The following SLC8A1 variants were observed in gnomAD, a reference collection of about 807,000 sequenced individuals.
SLC8A1 encodes the protein sodium/calcium exchanger 1.
SLC8A1 carries 18 observed loss-of-function variants against 68.3 expected under a neutral mutation model. The observed-to-expected ratio is 0.26, with a 90% CI of 0.18 to 0.39. SLC8A1 has a LOEUF of 0.39. Ranked by LOEUF, SLC8A1 falls within the 10% of genes least tolerant of loss-of-function variation. The probability of loss-of-function intolerance (pLI) is 1.00; values close to 1 mark genes in which losing one functional copy is unlikely to be tolerated. For missense variants in SLC8A1, 985 were observed against 1,156.7 expected, an observed-to-expected ratio of 0.85 and a Z score of 2.15; for synonymous variants, 475 against 415.5, an observed-to-expected ratio of 1.14 and a Z score of -1.74.
chr2:40,252,109 C>G (rs751526631), intron 2 of SLC8A1, among the ~76,000 whole-genome samples: 2 of 152,124 alleles, frequency 1.3e-5, no homozygotes, highest in African/African-American at 4.8e-5. Context: ...TATTTTCCCT[C>G]TTTTAATTTT....
chr2:40,504,559 A>G (rs1706249399), intron 1 of SLC8A1, among the ~76,000 whole-genome samples: 1 of 152,094 alleles, frequency 6.6e-6, no homozygotes, highest in South Asian at 2.1e-4. Context: ...CAAATTACCC[A>G]TCTGACAAGG....
intron 2 of SLC8A1, among the ~76,000 whole-genome samples, chr2:40,258,689 A>C (rs1169966860): frequency 6.6e-6 from 1 of 152,072 alleles, no homozygotes; most frequent in African/African-American, 2.4e-5. Flanking sequence ...TAAAAATACA[A>C]AAATTAGCCA....
At chr2:40,442,668 A>T (rs1210209875) in intron 1 of SLC8A1, among the ~76,000 whole-genome samples, 1 of 152,214 alleles carries the variant, frequency 6.6e-6, no homozygotes, top group Admixed American at 6.5e-5. Context: ...ATTATAAATT[A>T]GTTCAACCAT....
Position 40,439,387 on chromosome 2 carries a change from T to C in SLC8A1, c.-24-9083A>G, listed in dbSNP as rs576284815. Among the ~76,000 whole-genome samples, 14 of 151,976 alleles carry C rather than the reference T, an allele frequency of 9.2e-5. No homozygotes were observed. The South Asian group carries it at 2.9e-3, about 32-fold the overall frequency. ...ATGAACCCCAAAATGAAGTACTGGG[T>C]GGTAAGGAAAGCTGTGCTCTTCAAA... On this transcript the variant is annotated intron_variant, in intron 1 of 7. Coordinates refer to ENST00000406785, the Ensembl canonical transcript of SLC8A1.
At chr2:40,328,048 C>G (rs1431744921) in intron 2 of SLC8A1, among the ~76,000 whole-genome samples, 1 of 151,576 alleles carries the variant, frequency 6.6e-6, no homozygotes, top group Non-Finnish European at 1.5e-5. Flanking sequence ...ACAATACCAA[C>G]CACAGGAATT....
chr2:40,298,425 T>A (rs776115058), intron 2 of SLC8A1, among the ~76,000 whole-genome samples: 8 of 152,162 alleles, frequency 5.3e-5, no homozygotes, highest in Non-Finnish European at 1.0e-4. Flanking sequence ...ATGTAATGGG[T>A]TTTATGAAGA....
At chr2:40,180,807 C>A (rs530290154) in intron 2 of SLC8A1, among the ~76,000 whole-genome samples, 1 of 152,232 alleles carries the variant, frequency 6.6e-6, no homozygotes, top group South Asian at 2.1e-4. Flanking sequence ...GTAGAAGTAG[C>A]CTTGCTAATA....
In SLC8A1 at chr2:40,156,794, A is replaced by G. The variant is rs1031031008; in HGVS notation, c.2161+3971T>C. Among the ~76,000 whole-genome samples, 3 of 152,104 alleles carry G rather than the reference A, an allele frequency of 2.0e-5. No individual in the cohort carries two copies. The East Asian group carries it at 5.8e-4, about 29-fold the overall frequency. ...TGTATCTTTGTCTTTGTATGTGTGT[A>G]TGCCTCTGTGTACGTGCATACCTGA... On this transcript the variant is annotated intron_variant, in intron 6 of 7. Coordinates refer to ENST00000406785, the Ensembl canonical transcript of SLC8A1.
At chr2:40,417,483 T>A (rs1166598448) in intron 2 of SLC8A1, among the ~76,000 whole-genome samples, 1 of 152,118 alleles carries the variant, frequency 6.6e-6, no homozygotes, top group Non-Finnish European at 1.5e-5. Flanking sequence ...TGCTGAAGAA[T>A]TTGACAATTT....
chr2:40,409,461 C>T (rs1266609190), intron 2 of SLC8A1, among the ~76,000 whole-genome samples: 1 of 152,052 alleles, frequency 6.6e-6, no homozygotes, highest in African/African-American at 2.4e-5. Context: ...TAAATTTGAA[C>T]CCCCAAAGAT....
chr2:40,250,040 C>G (rs2062497310), intron 2 of SLC8A1, among the ~76,000 whole-genome samples: 1 of 152,158 alleles, frequency 6.6e-6, no homozygotes, highest in Admixed American at 6.5e-5. Flanking sequence ...GTAATTCTAA[C>G]CAAGCCATTG....
intron 2 of SLC8A1, among the ~76,000 whole-genome samples, chr2:40,249,635 GT>G (rs34754758): frequency 0.14 from 20,851 of 152,082 alleles, 1,754 homozygotes; most frequent in African/African-American, 0.21. Flanking sequence ...TCTTGGCTTT[GT>G]TTTTTGTAAA....
intron 1 of SLC8A1, among the ~76,000 whole-genome samples, chr2:40,468,331 T>C (rs1051921447): frequency 2.0e-5 from 3 of 152,304 alleles, no homozygotes; most frequent in African/African-American, 7.2e-5. Context: ...TACATATTAC[T>C]ATTATTGGCC....
chr2:40,248,078 T>C (rs1228449225), intron 2 of SLC8A1, among the ~76,000 whole-genome samples: 1 of 152,180 alleles, frequency 6.6e-6, no homozygotes, highest in Non-Finnish European at 1.5e-5. Flanking sequence ...ACACCAAAAA[T>C]TGTTTATGGA....
chr2:40,171,906 AG>A (rs1343124336), intron 4 of SLC8A1, among the ~76,000 whole-genome samples: 2 of 152,246 alleles, frequency 1.3e-5, no homozygotes, highest in African/African-American at 2.4e-5. Flanking sequence ...AGATTCCAAA[AG>A]CACCTCCAAC....
At chr2:40,269,055 G>A (rs571137408) in intron 2 of SLC8A1, among the ~76,000 whole-genome samples, 32 of 152,314 alleles carry the variant, frequency 2.1e-4, no homozygotes, top group African/African-American at 7.2e-4. Flanking sequence ...CCACGAAGAT[G>A]ATGGGTCTAT....
At chr2:40,435,628 G>A (rs1247480337) in intron 1 of SLC8A1, among the ~76,000 whole-genome samples, 1 of 152,118 alleles carries the variant, frequency 6.6e-6, no homozygotes, top group Non-Finnish European at 1.5e-5. Context: ...AATTGTCCAG[G>A]AAATGAAGAA....
chr2:40,229,060 T>C (rs2148885436), intron 2 of SLC8A1, among the ~76,000 whole-genome samples: 1 of 152,294 alleles, frequency 6.6e-6, no homozygotes, highest in East Asian at 1.9e-4. Flanking sequence ...GCTAGCAAAT[T>C]ATTTTTATTT....
intron 2 of SLC8A1, among the ~76,000 whole-genome samples, chr2:40,205,816 G>A (rs1163765934): frequency 3.5e-4 from 45 of 128,796 alleles, no homozygotes; most frequent in South Asian, 9.4e-4. Context: ...AAAATATCTT[G>A]AAAAAAAAAA....
Sources: gnomAD v4.1 joint callset for allele counts (sites outside exome capture counted in the v4.1 genomes callset) on GRCh38, gnomAD v4.1.1 for gene constraint, MANE v1.5 for transcripts, NCBI Gene and HGNC (gene_info 2026-07-23, HGNC 2026-07-21) for gene names.